The following FAT3 variants were observed in gnomAD, a reference collection of about 807,000 sequenced individuals.
FAT3 encodes the protein FAT atypical cadherin 3.
In FAT3, 95 loss-of-function variants were observed where a neutral mutation model predicts 310.2. The observed-to-expected ratio is 0.31, with a 90% CI of 0.26 to 0.36. The LOEUF (loss-of-function observed/expected upper bound fraction) is 0.36. Among genes scored for constraint, FAT3 ranks in the 10% least tolerant of loss-of-function variants. FAT3 has a pLI of 1.00. For missense variants in FAT3, 5,408 were observed against 5,715.6 expected (o/e 0.95, Z 1.74); for synonymous variants, 2,314 against 2,192.9 (o/e 1.06, Z -1.54).
At chr11:92,677,484 A>C (rs1234812004) in intron 3 of FAT3, among the ~76,000 whole-genome samples, 1 of 152,240 alleles carries the variant, frequency 6.6e-6, no homozygotes, top group African/African-American at 2.4e-5. Context: ...CAGCAGTTAC[A>C]TCCATCTCCC....
At chr11:92,262,929 C>A (rs567445888) in intron 1 of FAT3, among the ~76,000 whole-genome samples, 40 of 151,788 alleles carry the variant, frequency 2.6e-4, no homozygotes, top group African/African-American at 9.4e-4. Flanking sequence ...AAGGTGGCTA[C>A]CGAAATGTAG....
intron 3 of FAT3, among the ~76,000 whole-genome samples, chr11:92,686,579 G>A (rs113109601): frequency 2.9e-4 from 44 of 151,986 alleles, no homozygotes; most frequent in African/African-American, 1.1e-3. Flanking sequence ...AAGACAAAAG[G>A]GCAAGTTTGA....
intron 2 of FAT3, among the ~76,000 whole-genome samples, chr11:92,369,591 G>A (rs1162048133): frequency 6.6e-6 from 1 of 152,110 alleles, no homozygotes. Context: ...GTCTTGGTAG[G>A]TCAAGGCGGG....
chr11:92,557,489 A>T (rs1425473589), intron 3 of FAT3, among the ~76,000 whole-genome samples: 1 of 152,138 alleles, frequency 6.6e-6, no homozygotes, highest in Non-Finnish European at 1.5e-5. Context: ...CCATGTCCCC[A>T]CTGCTGTGAC....
intron 4 of FAT3, among the ~76,000 whole-genome samples, chr11:92,699,509 A>T (rs1944033796): frequency 6.6e-6 from 1 of 152,204 alleles, no homozygotes; most frequent in African/African-American, 2.4e-5. Context: ...AAAATTTTTT[A>T]AATGCTTGGG....
At chr11:92,434,268 G>T (rs780436476) in intron 2 of FAT3, among the ~76,000 whole-genome samples, 1 of 152,082 alleles carries the variant, frequency 6.6e-6, no homozygotes, top group Admixed American at 6.5e-5. Flanking sequence ...GAGGATGAAG[G>T]CAGACTGTTG....
intron 2 of FAT3, among the ~76,000 whole-genome samples, chr11:92,473,908 C>T (rs771198772): frequency 3.9e-5 from 6 of 152,294 alleles, no homozygotes; most frequent in Admixed American, 6.5e-5. Context: ...TGACCTCCTC[C>T]GGCATTCCTA....
intron 2 of FAT3, among the ~76,000 whole-genome samples, chr11:92,432,086 G>A (rs1160313131): frequency 6.6e-6 from 1 of 152,062 alleles, no homozygotes; most frequent in Non-Finnish European, 1.5e-5. Flanking sequence ...AATTACCTTG[G>A]GCAGTATGGC....
intron 3 of FAT3, among the ~76,000 whole-genome samples, chr11:92,646,731 G>A (rs1037047882): frequency 1.3e-5 from 2 of 152,144 alleles, no homozygotes; most frequent in Non-Finnish European, 2.9e-5. Flanking sequence ...GAAGGTACTG[G>A]AGAAGAGTAT....
In FAT3 at chr11:92,800,701, C is replaced by G; in HGVS notation, c.7688C>G (p.Pro2563Arg). ...ITTERLDREN[P>R]LEGDVSIFVR... Reference sequence around the variant, plus strand: ...ACAGAAAGGCTAGACCGGGAAAACCCTCTAGAAGGGGATGTTAGTATTTTT... The same window carrying G: ...ACAGAAAGGCTAGACCGGGAAAACCGTCTAGAAGGGGATGTTAGTATTTTT... Residue 2563 changes from proline to arginine, a missense_variant, in exon 10 of 28, where the codon CCT becomes CGT. Around this residue, in one of 5 missense-constraint regions of FAT3, gnomAD observed 4,588 missense variants for 4,809.8 expected, o/e 0.95. Transcript: ENST00000525166. 6.2e-7 allele frequency: 1 copy of G among 1,613,796 alleles called. No homozygotes were observed. Among genetic ancestry groups the G allele is most frequent in the Non-Finnish European group, 8.5e-7 (1 of 1,179,840 alleles).
At chr11:92,581,267 A>G (rs1938783477) in intron 3 of FAT3, among the ~76,000 whole-genome samples, 1 of 151,976 alleles carries the variant, frequency 6.6e-6, no homozygotes, top group Non-Finnish European at 1.5e-5. Context: ...CAGTATCCAG[A>G]GCCTTCCATA....
intron 1 of FAT3, among the ~76,000 whole-genome samples, chr11:92,235,391 C>G (rs1864376320): frequency 6.6e-6 from 1 of 152,188 alleles, no homozygotes; most frequent in Admixed American, 6.5e-5. Flanking sequence ...TCAGGTCCCC[C>G]TACACTTTGT....
intron 4 of FAT3, among the ~76,000 whole-genome samples, chr11:92,717,519 G>A (rs1944726314): frequency 6.6e-6 from 1 of 152,138 alleles, no homozygotes; most frequent in Admixed American, 6.5e-5. Context: ...GAATGGCTTT[G>A]TCATCCACCT....
At chr11:92,727,179 T>G (rs1945026667) in intron 4 of FAT3, among the ~76,000 whole-genome samples, 1 of 152,194 alleles carries the variant, frequency 6.6e-6, no homozygotes, top group Non-Finnish European at 1.5e-5. Flanking sequence ...ACTGGTCGTT[T>G]TATATATTGT....
At chr11:92,416,071 TAAA>T (rs398017104) in intron 2 of FAT3, among the ~76,000 whole-genome samples, 1 of 73,892 alleles carries the variant, frequency 1.4e-5, no homozygotes, top group Non-Finnish European at 2.6e-5. Flanking sequence ...CCTGGAAGCC[TAAA>T]AAAAAAAAAA....
intron 2 of FAT3, among the ~76,000 whole-genome samples, chr11:92,361,859 C>T (rs1359242982): frequency 2.0e-5 from 3 of 152,228 alleles, no homozygotes; most frequent in African/African-American, 7.2e-5. Flanking sequence ...GCACTAGTGA[C>T]ACAAACAGGC....
chr11:92,590,390 A>G (rs1591492244), intron 3 of FAT3, among the ~76,000 whole-genome samples: 2 of 152,180 alleles, frequency 1.3e-5, no homozygotes, highest in East Asian at 3.9e-4. Context: ...TTAGGAAAAC[A>G]GCACCTGGCT....
At chr11:92,634,499 G>C (rs1412088312) in intron 3 of FAT3, among the ~76,000 whole-genome samples, 3 of 152,170 alleles carry the variant, frequency 2.0e-5, no homozygotes, top group Non-Finnish European at 4.4e-5. Flanking sequence ...GACAATTCTT[G>C]TTCTTGACTG....
At chr11:92,554,239 G>A (rs1954926654) in intron 3 of FAT3, among the ~76,000 whole-genome samples, 1 of 147,790 alleles carries the variant, frequency 6.8e-6, no homozygotes, top group Admixed American at 6.7e-5. Context: ...GAGGCGGGCA[G>A]ATCACAAAGT....
Sources: gnomAD v4.1 joint callset for allele counts (sites outside exome capture counted in the v4.1 genomes callset) on GRCh38, gnomAD v4.1.1 for gene constraint, gnomAD v4.1.1 regional missense constraint, MANE v1.5 for transcripts, NCBI Gene and HGNC (gene_info 2026-07-23, HGNC 2026-07-21) for gene names.